Variants in DCDC1 observed in about 807,000 individuals in gnomAD.
DCDC1 encodes doublecortin domain containing 1, also known as doublecortin domain-containing protein 1.
DCDC1 carries 200 observed loss-of-function variants against 178.3 expected under a neutral mutation model. The ratio of observed to expected loss-of-function variants is 1.12; its 90% CI spans 1.00 to 1.26. DCDC1 has a LOEUF of 1.26. Among genes scored for constraint, DCDC1 ranks in the 50% most tolerant of loss-of-function variants. The pLI is 0.00. For synonymous variants in DCDC1, 690 were observed against 604.8 expected (o/e 1.14, Z -2.07); for missense variants, 1,983 against 1,749.2 (o/e 1.13, Z -2.38).
chr11:31,035,012 T>C (rs1287195483), intron 20 of DCDC1, among the ~76,000 whole-genome samples: 1 of 152,222 alleles, frequency 6.6e-6, no homozygotes, highest in East Asian at 1.9e-4. Context: ...AAAAGTTCTA[T>C]ACAATTGCAA....
chr11:31,326,553 TATA>T (rs1949659059), intron 3 of DCDC1, among the ~76,000 whole-genome samples: 1 of 152,174 alleles, frequency 6.6e-6, no homozygotes, highest in Admixed American at 6.5e-5. Flanking sequence ...GAAATTTTTT[TATA>T]ATAAGTCATG....
At chr11:31,275,795 T>C (rs1277400407) in intron 7 of DCDC1, among the ~76,000 whole-genome samples, 1 of 152,236 alleles carries the variant, frequency 6.6e-6, no homozygotes, top group East Asian at 1.9e-4. Context: ...TACAATTATC[T>C]TGATGTGTCT....
chr11:31,356,079 C>T (rs1951340287), intron 1 of DCDC1, among the ~76,000 whole-genome samples: 1 of 152,134 alleles, frequency 6.6e-6, no homozygotes, highest in South Asian at 2.1e-4. Flanking sequence ...TACCTTAGGT[C>T]ATTCCAGAAT....
At chr11:30,915,398 T>C (rs904583279) in intron 27 of DCDC1, 113 bp downstream of exon 27, 12 of 1,141,706 alleles carry the variant, frequency 1.1e-5, no homozygotes, top group African/African-American at 4.7e-5. Context: ...CTAAGTTAAA[T>C]AGAAGACCCA....
intron 22 of DCDC1, among the ~76,000 whole-genome samples, chr11:30,929,625 G>A (rs189062972): frequency 6.6e-6 from 1 of 152,158 alleles, no homozygotes; most frequent in Admixed American, 6.6e-5. Context: ...AGTGAGTTCA[G>A]AGATCATAAC....
At chr11:30,998,627 A>G (rs1048717687) in intron 20 of DCDC1, among the ~76,000 whole-genome samples, 1 of 152,198 alleles carries the variant, frequency 6.6e-6, no homozygotes, top group Non-Finnish European at 1.5e-5. Context: ...TACAGACAAA[A>G]CGCATTAATG....
At chr11:31,194,364 C>T (rs2136375472) in intron 9 of DCDC1, among the ~76,000 whole-genome samples, 1 of 152,116 alleles carries the variant, frequency 6.6e-6, no homozygotes, top group East Asian at 1.9e-4. Flanking sequence ...ATAGCTGTTA[C>T]ATGGAGTTAT....
intron 21 of DCDC1, among the ~76,000 whole-genome samples, chr11:30,945,474 A>T (rs1947958448): frequency 6.6e-6 from 1 of 151,892 alleles, no homozygotes; most frequent in South Asian, 2.1e-4. Context: ...TGGGTGGATC[A>T]CTTGAGGTCA....
intron 9 of DCDC1, among the ~76,000 whole-genome samples, chr11:31,149,551 T>C (rs1261814890): frequency 2.0e-5 from 3 of 151,962 alleles, no homozygotes; most frequent in Non-Finnish European, 4.4e-5. Flanking sequence ...TTCCACGCTG[T>C]GGAAGCTTTG....
chr11:31,362,513 T>C (rs2133392945), intron 1 of DCDC1, among the ~76,000 whole-genome samples: 1 of 152,290 alleles, frequency 6.6e-6, no homozygotes, highest in East Asian at 1.9e-4. Context: ...CTTCAGACGA[T>C]CAGTAATGCA....
At chr11:31,129,268 A>G (rs976061888) in intron 10 of DCDC1, among the ~76,000 whole-genome samples, 3 of 152,108 alleles carry the variant, frequency 2.0e-5, no homozygotes, top group Non-Finnish European at 2.9e-5. Context: ...AGACCTTTAC[A>G]AGTGTTACAT....
At chr11:30,918,489 A>G (rs1946019305) in intron 25 of DCDC1, among the ~76,000 whole-genome samples, 1 of 152,188 alleles carries the variant, frequency 6.6e-6, no homozygotes, top group Non-Finnish European at 1.5e-5. Context: ...AAGTTGAATA[A>G]AATAGGATAT....
At chr11:31,236,367 A>T (rs1976466026) in intron 9 of DCDC1, among the ~76,000 whole-genome samples, 1 of 152,060 alleles carries the variant, frequency 6.6e-6, no homozygotes. Context: ...AATGAAGCAG[A>T]AGTTATTGAA....
intron 9 of DCDC1, among the ~76,000 whole-genome samples, chr11:31,154,004 G>A (rs1310848446): frequency 6.6e-6 from 1 of 152,100 alleles, no homozygotes; most frequent in Non-Finnish European, 1.5e-5. Flanking sequence ...GGACCTGGTG[G>A]GAGGCGATTA....
At chr11:31,001,237 T>A (rs1269385859) in intron 20 of DCDC1, among the ~76,000 whole-genome samples, 1 of 152,208 alleles carries the variant, frequency 6.6e-6, no homozygotes, top group East Asian at 1.9e-4. Flanking sequence ...ATTTTTTCAA[T>A]GCTAAAATTG....
intron 9 of DCDC1, among the ~76,000 whole-genome samples, chr11:31,148,677 T>C (rs1964765114): frequency 6.6e-6 from 1 of 151,378 alleles, no homozygotes; most frequent in African/African-American, 2.4e-5. Context: ...TGATGGTTTC[T>C]TTTATACAGA....
intron 9 of DCDC1, among the ~76,000 whole-genome samples, chr11:31,195,178 A>T (rs1171085050): frequency 1.3e-5 from 2 of 151,976 alleles, no homozygotes; most frequent in African/African-American, 4.8e-5. Flanking sequence ...CTCCCAAGGG[A>T]GGGAGGGAGT....
At chr11:31,123,281 A>G (rs1961076518) in intron 11 of DCDC1, among the ~76,000 whole-genome samples, 1 of 152,148 alleles carries the variant, frequency 6.6e-6, no homozygotes, top group African/African-American at 2.4e-5. Context: ...ACACACTATT[A>G]TATAGTGTTT....
At position 30,916,874 on chromosome 11, in the gene DCDC1, G is replaced by T. The variant is rs1945877942; in HGVS notation, c.3448C>A (p.His1150Asn). ...LFENVEPQKK[H>N]SCSPKHSKLH... The stretch of plus-strand genomic sequence containing the variant: ...GAATCCTTTGCAACTTTTTACCTGT[G>T]TTTCTTCTGTGGTTCCACATTTTCA... Residue 1150 changes from histidine (H) to asparagine (N), a missense_variant, in exon 26 of 39, where the codon CAC becomes AAC. Physicochemically the swap from His to Asn is moderately conservative, Grantham distance 68. Coordinates refer to ENST00000684477, the MANE Select transcript of DCDC1 (RefSeq NM_001387274.1). 6.2e-7 allele frequency: 1 copy of T among 1,600,676 alleles called. No individual in the cohort carries two copies.
Sources: gnomAD v4.1 joint callset for allele counts (sites outside exome capture counted in the v4.1 genomes callset) on GRCh38, gnomAD v4.1.1 for gene constraint, MANE v1.5 for transcripts, NCBI Gene and HGNC (gene_info 2026-07-23, HGNC 2026-07-21) for gene names.